Variants in ADGRV1 observed in about 807,000 individuals in gnomAD.
ADGRV1 encodes the protein adhesion G protein-coupled receptor V1.
ADGRV1 carries 359 observed loss-of-function variants against 596.2 expected under a neutral mutation model. That is an observed-to-expected ratio of 0.60 (90% CI 0.55 to 0.66). The LOEUF (loss-of-function observed/expected upper bound fraction) is 0.66, where lower values mean the gene tolerates loss of function less well. Ranked by LOEUF, ADGRV1 falls within the 30% of genes least tolerant of loss-of-function variation. The pLI is 0.00. For synonymous variants in ADGRV1, 2,681 were observed against 2,679.2 expected (o/e 1.00, Z -0.02); for missense variants, 7,274 against 7,575.6 (o/e 0.96, Z 1.48).
chr5:90,894,902 A>G (rs1048759407), intron 83 of ADGRV1, among the ~76,000 whole-genome samples: 3 of 152,036 alleles, frequency 2.0e-5, no homozygotes, highest in African/African-American at 7.2e-5. Flanking sequence ...CATTACATTA[A>G]TCAGTATTTA....
At chr5:91,019,636 A>G (rs1783465490) in intron 85 of ADGRV1, among the ~76,000 whole-genome samples, 1 of 151,956 alleles carries the variant, frequency 6.6e-6, no homozygotes, top group Non-Finnish European at 1.5e-5. Flanking sequence ...TTTTCATAAA[A>G]GTCTGATGAC....
At chr5:90,831,489 A>G (rs1272808249) in intron 77 of ADGRV1, among the ~76,000 whole-genome samples, 1 of 152,176 alleles carries the variant, frequency 6.6e-6, no homozygotes, top group Non-Finnish European at 1.5e-5. Context: ...TGATACAGGC[A>G]TACAATGCAT....
chr5:90,611,687 C>T (rs1274457893), intron 1 of ADGRV1, among the ~76,000 whole-genome samples: 1 of 151,652 alleles, frequency 6.6e-6, no homozygotes, highest in African/African-American at 2.4e-5. Flanking sequence ...AATAAGTGGT[C>T]TGATGGGGCA....
chr5:90,737,549 G>T (rs1296324926), intron 50 of ADGRV1, among the ~76,000 whole-genome samples: 1 of 151,868 alleles, frequency 6.6e-6, no homozygotes, highest in Non-Finnish European at 1.5e-5. Context: ...TACTATTATT[G>T]TATTGCAGTC....
intron 42 of ADGRV1, among the ~76,000 whole-genome samples, chr5:90,712,733 C>T (rs182110899): frequency 2.3e-4 from 35 of 152,104 alleles, no homozygotes; most frequent in African/African-American, 8.4e-4. Context: ...GAATTTTGTT[C>T]TGGTTTCCTA....
In ADGRV1 at chr5:90,635,263, T is replaced by C. The variant is rs759796356; in HGVS notation, c.1989T>C (p.His663=). The change falls in exon 10 of 90, where the codon CAT becomes CAC. Residue 663 remains histidine, a synonymous_variant. Coordinates refer to ENST00000405460, the MANE Select transcript of ADGRV1 (RefSeq NM_032119.4). The part of the protein sequence containing the change: ...GFLSNLPIIL[H]EPEDFAAEVV... Reference sequence around the variant, plus strand: ...TCAGCAATCTTCCAATTATTTTGCATGAACCAGAAGATTTTGCTGCTGAAG... The same window carrying C: ...TCAGCAATCTTCCAATTATTTTGCACGAACCAGAAGATTTTGCTGCTGAAG... 2.5e-6 allele frequency: 4 copies of C among 1,612,682 alleles called. No homozygotes were observed. The highest frequency in any genetic ancestry group is 3.3e-5 in the Admixed American group (2 of 59,894).
chr5:90,774,167 T>C lies in ADGRV1; in HGVS notation c.12286-19T>C, dbSNP rs759908470. Reference sequence around the variant, plus strand: ...TTTGGTCAATCTGGAAAATGCACTGTTTCTGTCATTGGATGTAGACTGAGT... The same window carrying C: ...TTTGGTCAATCTGGAAAATGCACTGCTTCTGTCATTGGATGTAGACTGAGT... On this transcript the variant is annotated intron_variant, in intron 59 of 89. Coordinates refer to ENST00000405460, the MANE Select transcript of ADGRV1 (RefSeq NM_032119.4). 6.9e-7 allele frequency: 1 copy of C among 1,439,822 alleles called. No individual in the cohort carries two copies. Among genetic ancestry groups the C allele is most frequent in the South Asian group, 1.2e-5 (1 of 80,120 alleles). The allele number at this position is 1,439,822 out of a possible 1,614,324, so 89.2% of individuals were successfully genotyped here.
chr5:90,892,053 A>G (rs1191942467), intron 83 of ADGRV1, among the ~76,000 whole-genome samples: 1 of 152,006 alleles, frequency 6.6e-6, no homozygotes, highest in African/African-American at 2.4e-5. Context: ...AAAATTGACT[A>G]GAACTCTTGA....
chr5:90,848,926 GA>G (rs569602150), intron 79 of ADGRV1, 105 bp downstream of exon 79: 562 of 773,432 alleles, frequency 7.3e-4, no homozygotes, highest in Non-Finnish European at 1.1e-3. Flanking sequence ...AACTAAGAAT[GA>G]TACAGTCAAT....
At position 90,935,284 on chromosome 5, in the gene ADGRV1, CT is replaced by C. The variant is rs142968767; in HGVS notation, c.17857-30128del. 2.6e-3 allele frequency among the ~76,000 whole-genome samples: 391 copies of C among 152,320 alleles called. 1 individual carries two copies. Among genetic ancestry groups the C allele is most frequent in the African/African-American group, 9.1e-3 (378 of 41,570 alleles). ...ATGTTTGTCAAAACAGAAGTTAATA[CT>C]TTCACATACTCCATAGTTTTGCTTT... On this transcript the variant is annotated intron_variant, in intron 83 of 89. Coordinates refer to ENST00000405460, the MANE Select transcript of ADGRV1 (RefSeq NM_032119.4).
rs151016827 is a variant in ADGRV1, at chr5:91,021,847, A to G, written c.18152+36325A>G. On this transcript the variant is annotated intron_variant, in intron 85 of 89. Transcript: ENST00000405460. ...AGGAGGTATCATAATGTCTGCATCT[A>G]GAACAGCTGTAACATTTGGAATTCA... 3.8e-3 allele frequency among the ~76,000 whole-genome samples: 575 copies of G among 152,212 alleles called. 2 individuals carry two copies. The highest frequency in any genetic ancestry group is 5.4e-3 in the Non-Finnish European group (365 of 67,974).
At chr5:91,002,019 TAA>T (rs1464592106) in intron 85 of ADGRV1, among the ~76,000 whole-genome samples, 1 of 152,234 alleles carries the variant, frequency 6.6e-6, no homozygotes, top group Non-Finnish European at 1.5e-5. Flanking sequence ...CATTTTGTGT[TAA>T]AGAGATTAGC....
chr5:90,908,707 A>G (rs1345717633), intron 83 of ADGRV1, among the ~76,000 whole-genome samples: 1 of 152,202 alleles, frequency 6.6e-6, no homozygotes, highest in Admixed American at 6.5e-5. Context: ...TGCCTGAGTG[A>G]AGAGTGATAT....
rs1325879518 is a variant in ADGRV1 at position 90,895,994 on chromosome 5, G to A, written c.17856+32137G>A. On this transcript the variant is annotated intron_variant, in intron 83 of 89. Transcript: ENST00000405460. ...CTATTCTGTTTAGGAGGGCCAATGG[G>A]GGTGCAGATAAGTGCTTGAATTCCA... Among the ~76,000 whole-genome samples the A allele has an allele frequency of 3.3e-5, 5 of 151,306 alleles. 1 individual carries two copies. Among genetic ancestry groups the A allele is most frequent in the Admixed American group, 2.6e-4 (4 of 15,142 alleles).
At chr5:91,046,917 G>T (rs1309700940) in intron 85 of ADGRV1, among the ~76,000 whole-genome samples, 1 of 152,110 alleles carries the variant, frequency 6.6e-6, no homozygotes, top group Non-Finnish European at 1.5e-5. Context: ...ATGAAAAAAT[G>T]CTCAGCATCA....
Position 90,815,600 on chromosome 5 carries a change from C to A in ADGRV1, c.16079-19C>A, listed in dbSNP as rs1357297375. On this transcript the variant is annotated intron_variant, in intron 74 of 89. Transcript: ENST00000405460. Reference sequence around the variant, plus strand: ...AAATAATTCTTGAATATATTATAGCCCTCCATTCTTTTTTTCAGGGAGTGA... The same window carrying A: ...AAATAATTCTTGAATATATTATAGCACTCCATTCTTTTTTTCAGGGAGTGA... 2.3e-6 allele frequency: 3 copies of A among 1,283,052 alleles called. No homozygotes were observed. In the East Asian group the frequency reaches 7.5e-5, roughly 32 times the overall value. 79.5% of individuals were successfully genotyped at this position (1,283,052 alleles called of 1,614,324 possible).
At position 90,745,631 on chromosome 5, in the gene ADGRV1, A is replaced by G. The variant is rs1754537798; in HGVS notation, c.10810A>G (p.Thr3604Ala). The G allele has an allele frequency of 1.2e-6, 2 of 1,612,856 alleles. No homozygotes were observed. Among genetic ancestry groups the G allele is most frequent in the Non-Finnish European group, 1.7e-6 (2 of 1,179,292 alleles). The change falls in exon 52 of 90, where the codon ACA becomes GCA. Residue 3604 changes from threonine to alanine, a missense_variant. Transcript: ENST00000405460. ...LIFEPGEREA[T>A]IAVNILDDTV... ...ATTTGAACCTGGTGAGAGAGAAGCT[A>G]CAATAGCAGTAAATATCCTTGATGA... is the stretch of plus-strand genomic sequence containing the variant.
intron 34 of ADGRV1, among the ~76,000 whole-genome samples, chr5:90,702,239 T>C (rs994640538): frequency 1.6e-4 from 24 of 151,934 alleles, no homozygotes; most frequent in Non-Finnish European, 3.4e-4. Context: ...AATGGTATGC[T>C]AGCAATGGCT....
rs11950292 is a variant in ADGRV1 at position 90,805,035 on chromosome 5, T to C, written c.14662-249T>C. ...TAACCATAATTATGCTTATCTTTTT[T>C]TGGATGTTGTTCATTCAAAAGATAA... On this transcript the variant is annotated intron_variant, in intron 71 of 89. Transcript: ENST00000405460. The C allele has an allele frequency of 0.021, 6,184 of 301,044 alleles. 377 individuals are homozygous for C. Among genetic ancestry groups the C allele is most frequent in the African/African-American group, 0.12 (5,705 of 46,786 alleles). The allele number at this position is 301,044 out of a possible 1,614,324, so 18.6% of individuals were successfully genotyped here. A position where few individuals can be genotyped will look rare whatever the true frequency, so the allele number is the denominator to read the frequency against.
Sources: allele counts gnomAD v4.1 joint callset (sites outside exome capture counted in the v4.1 genomes callset), GRCh38; gene constraint gnomAD v4.1.1; transcripts MANE v1.5; gene names NCBI Gene and HGNC (gene_info 2026-07-23, HGNC 2026-07-21).